Variants in MACO1 observed in about 807,000 individuals in gnomAD.
MACO1 encodes the protein macoilin 1.
MACO1 carries 14 observed loss-of-function variants against 78.7 expected under a neutral mutation model. The ratio of observed to expected loss-of-function variants is 0.18; its 90% CI spans 0.12 to 0.28. The LOEUF is 0.28. MACO1 is among the 10% of genes least tolerant of loss of function. The probability of loss-of-function intolerance (pLI) is 1.00; values close to 1 mark genes in which losing one functional copy is unlikely to be tolerated. For synonymous variants in MACO1, 288 were observed against 291.6 expected, an observed-to-expected ratio of 0.99 and a Z score of 0.12; for missense variants, 501 against 799.0, an observed-to-expected ratio of 0.63 and a Z score of 4.50.
At chr1:25,454,406 G>T (rs1046079204) in intron 4 of MACO1, 24 bp downstream of exon 4, 5 of 1,533,826 alleles carry the variant, frequency 3.3e-6, no homozygotes, top group Non-Finnish European at 4.4e-6. Flanking sequence ...AAATGTATGT[G>T]TGTGTGTGTG....
chr1:25,466,637 GTGTT>G (rs2043221978), intron 6 of MACO1, among the ~76,000 whole-genome samples: 1 of 152,102 alleles, frequency 6.6e-6, no homozygotes, highest in African/African-American at 2.4e-5. Context: ...TAAAATCAGT[GTGTT>G]TGTTTTCTTA....
intron 6 of MACO1, among the ~76,000 whole-genome samples, chr1:25,481,638 C>CT (rs2043379812): frequency 6.6e-6 from 1 of 152,342 alleles, no homozygotes; most frequent in South Asian, 2.1e-4. Flanking sequence ...GCATTGACCT[C>CT]TTTCGGAATA....
At chr1:25,459,668 G>T (rs2043154283) in intron 6 of MACO1, among the ~76,000 whole-genome samples, 1 of 151,792 alleles carries the variant, frequency 6.6e-6, no homozygotes, top group Admixed American at 6.6e-5. Flanking sequence ...ATAGTGACAG[G>T]ATTTCACCAT....
intron 2 of MACO1, 137 bp downstream of exon 2, chr1:25,447,040 T>C: frequency 9.3e-7 from 1 of 1,079,644 alleles, no homozygotes; most frequent in Non-Finnish European, 1.3e-6. Flanking sequence ...CTAAACTATT[T>C]TGTCTAAACC....
chr1:25,441,385 A>G (rs954671915), intron 1 of MACO1, among the ~76,000 whole-genome samples: 2 of 152,130 alleles, frequency 1.3e-5, no homozygotes, highest in Non-Finnish European at 2.9e-5. Flanking sequence ...GGGTTTCACC[A>G]TGTTGGCCAG....
chr1:25,495,113 G>A (rs1246718780), intron 10 of MACO1, among the ~76,000 whole-genome samples: 3 of 152,120 alleles, frequency 2.0e-5, no homozygotes, highest in Non-Finnish European at 4.4e-5. Context: ...TTGCCTGCCT[G>A]GCTTAGTTCC....
chr1:25,485,564 G>A lies in MACO1; in HGVS notation c.1314-49G>A. 6.3e-7 allele frequency: 1 copy of A among 1,576,480 alleles called. No homozygotes were observed. Among genetic ancestry groups the A allele is most frequent in the Admixed American group, 1.8e-5 (1 of 54,980 alleles). ...AAGAGATGTTTCTCAAGGGTTTATA[G>A]TGGGCATTTGTAATTTTAAGACTTT... On this transcript the variant is annotated intron_variant, in intron 7 of 10. Coordinates refer to ENST00000374343, the MANE Select transcript of MACO1 (RefSeq NM_018202.6). The surrounding 1 kb of genome is among the most constrained non-coding windows in gnomAD (Gnocchi z 4.3).
chr1:25,485,237 C>T lies in MACO1; in HGVS notation c.1314-376C>T, dbSNP rs74063418. 0.063 allele frequency among the ~76,000 whole-genome samples: 9,579 copies of T among 152,168 alleles called. 940 individuals carry two copies. Among genetic ancestry groups the T allele is most frequent in the African/African-American group, 0.21 (8,716 of 41,440 alleles). Reference sequence around the variant, plus strand: ...ACCTTAGTTTCACTGGGGCTGGTCCCATCAGTGGTTCTTTGGTGGGACTGA... The same window carrying T: ...ACCTTAGTTTCACTGGGGCTGGTCCTATCAGTGGTTCTTTGGTGGGACTGA... On this transcript the variant is annotated intron_variant, in intron 7 of 10. Coordinates refer to ENST00000374343, the MANE Select transcript of MACO1 (RefSeq NM_018202.6). The surrounding 1 kb of genome is among the most constrained non-coding windows in gnomAD (Gnocchi z 4.3).
At chr1:25,480,152 A>G (rs2043358936) in intron 6 of MACO1, among the ~76,000 whole-genome samples, 1 of 152,258 alleles carries the variant, frequency 6.6e-6, no homozygotes, top group Non-Finnish European at 1.5e-5. Context: ...TGGACATTCA[A>G]GGCAAATTAA....
At chr1:25,436,515 C>G (rs1330599138) in intron 1 of MACO1, among the ~76,000 whole-genome samples, 2 of 151,942 alleles carry the variant, frequency 1.3e-5, no homozygotes, top group Non-Finnish European at 2.9e-5. Flanking sequence ...GGCTCTTGCT[C>G]AAGAATTAAG....
Position 25,464,176 on chromosome 1 carries a change from AC to A in MACO1, c.1154+5288del, listed in dbSNP as rs561280313. On this transcript the variant is annotated intron_variant, in intron 6 of 10. Transcript: ENST00000374343. ...GTCCATCCATCCCTACCCTCCCCTG[AC>A]CCCTGAGAAGTGCTGATCTTTTCAC... is the stretch of plus-strand genomic sequence containing the variant. Among the ~76,000 whole-genome samples, 33 of 151,834 alleles carry A rather than the reference AC, an allele frequency of 2.2e-4. No individual in the cohort carries two copies. The South Asian group carries it at 5.4e-3, about 25-fold the overall frequency.
chr1:25,491,082 T>A (rs1030464330), intron 9 of MACO1, among the ~76,000 whole-genome samples: 22 of 152,232 alleles, frequency 1.4e-4, no homozygotes, highest in African/African-American at 4.8e-4. Context: ...GATTACAGCA[T>A]TATGATAATT....
At chr1:25,489,338 T>C (rs1256236388) in intron 9 of MACO1, 45 bp downstream of exon 9, 5 of 1,604,570 alleles carry the variant, frequency 3.1e-6, no homozygotes, top group African/African-American at 1.3e-5. Context: ...AATTCCACTT[T>C]TATGCTAAAC....
chr1:25,458,684 A>G lies in MACO1; in HGVS notation c.946A>G (p.Thr316Ala), dbSNP rs758892321. 6 of 1,614,160 alleles carry G rather than the reference A, an allele frequency of 3.7e-6. No homozygotes were observed. The South Asian group carries it at 6.6e-5, about 18-fold the overall frequency. The change falls in exon 6 of 11, where the codon ACT becomes GCT. Residue 316 changes from threonine (T) to alanine (A), a missense_variant. By Grantham distance (58) the Thr-to-Ala change is moderately conservative. This residue lies in a region of MACO1 where 90 missense variants were observed against 85.7 expected (regional missense o/e 1.05). Transcript: ENST00000374343. ...TENLLKEDSC[T>A]ASSKNYKNAS... The stretch of plus-strand genomic sequence containing the variant: ...AAATCTCTTGAAAGAGGACTCATGC[A>G]CTGCTTCCTCAAAAAATTACAAAAA...
At chr1:25,493,802 G>A (rs563570995) in intron 10 of MACO1, among the ~76,000 whole-genome samples, 49 of 141,514 alleles carry the variant, frequency 3.5e-4, no homozygotes, top group African/African-American at 1.2e-3. Context: ...GCACGATCTC[G>A]GTGCACTGCA....
Position 25,498,269 on chromosome 1 carries a change from A to G in MACO1, c.1798A>G (p.Ile600Val). The G allele has an allele frequency of 1.2e-6, 2 of 1,614,088 alleles. No individual in the cohort carries two copies. The change falls in exon 11 of 11, where the codon ATC becomes GTC. Residue 600 changes from isoleucine to valine, a missense_variant. Physicochemically the swap from Ile to Val is conservative, Grantham distance 29. Transcript: ENST00000374343. ...KRQLEIAQGQ[I>V]LQKDQEIKDL... ...GTGGGTCTTTGATCTTACAGGACAAATCCTTCAGAAAGATCAGGAAATCAA... is the reference window on the plus strand; with the variant it reads ...GTGGGTCTTTGATCTTACAGGACAAGTCCTTCAGAAAGATCAGGAAATCAA...
At chr1:25,443,935 G>A (rs2042993183) in intron 1 of MACO1, among the ~76,000 whole-genome samples, 5 of 140,168 alleles carry the variant, frequency 3.6e-5, no homozygotes, top group Admixed American at 3.5e-4. Context: ...ATATTTCCAT[G>A]CCCTTTTTTT....
At chr1:25,459,508 G>A (rs868628898) in intron 6 of MACO1, among the ~76,000 whole-genome samples, 2 of 146,542 alleles carry the variant, frequency 1.4e-5, no homozygotes. Flanking sequence ...TTTTTGAGAC[G>A]GAGTCTTGCT....
chr1:25,476,419 T>A (rs892197922), intron 6 of MACO1, among the ~76,000 whole-genome samples: 3 of 152,206 alleles, frequency 2.0e-5, no homozygotes, highest in African/African-American at 7.2e-5. Context: ...CAGCTTCATG[T>A]CAGTATTTCC....
Sources: allele counts gnomAD v4.1 joint callset (sites outside exome capture counted in the v4.1 genomes callset), GRCh38; gene constraint gnomAD v4.1.1; regional missense constraint gnomAD v4.1.1; non-coding constraint Gnocchi (gnomAD v3.1); transcripts MANE v1.5; gene names NCBI Gene and HGNC (gene_info 2026-07-23, HGNC 2026-07-21).